The following HDGFL3 variants were observed in gnomAD, a reference collection of about 807,000 sequenced individuals.
The protein encoded by HDGFL3 is hepatoma-derived growth factor-related protein 3.
A neutral mutation model predicts 27.6 loss-of-function variants in HDGFL3; 6 were observed. The ratio of observed to expected loss-of-function variants is 0.22; its 90% CI spans 0.12 to 0.43. HDGFL3 has a LOEUF of 0.43. Ranked by LOEUF, HDGFL3 falls within the 20% of genes least tolerant of loss-of-function variation. The pLI is 1.00. For synonymous variants in HDGFL3, 88 were observed against 88.9 expected, an observed-to-expected ratio of 0.99 and a Z score of 0.05; for missense variants, 207 against 250.1, an observed-to-expected ratio of 0.83 and a Z score of 1.16.
At chr15:83,199,106 A>G (rs2037606482) in intron 1 of HDGFL3, among the ~76,000 whole-genome samples, 1 of 152,204 alleles carries the variant, frequency 6.6e-6, no homozygotes, top group African/African-American at 2.4e-5. Context: ...TGACTTCATC[A>G]TCATGTAGTA....
downstream of HDGFL3, chr15:83,127,584 A>G (rs1215590217): frequency 1.6e-6 from 2 of 1,242,608 alleles, no homozygotes; most frequent in East Asian, 2.4e-5. Context: ...GATAGCTATT[A>G]GACATGTCAC....
Position 83,138,960 on chromosome 15 carries a change from T to C in HDGFL3, c.*310A>G, listed in dbSNP as rs2036712241. 2.3e-5 allele frequency: 5 copies of C among 219,012 alleles called. No homozygotes were observed. The highest frequency in any genetic ancestry group is 5.8e-5 in the Admixed American group (1 of 17,200). The allele number at this position is 219,012 out of a possible 1,614,324, so 13.6% of individuals were successfully genotyped here. On this transcript the variant is annotated 3_prime_UTR_variant, in exon 6 of 6. Transcript: ENST00000299633. ...GGTCAAGGCAGGAAAACGATGATCA[T>C]AACTGCCTTGATAAAAGGATCCTAG... is the stretch of plus-strand genomic sequence containing the variant.
chr15:83,139,228 C>A lies in HDGFL3; in HGVS notation c.*42G>T. On this transcript the variant is annotated 3_prime_UTR_variant, in exon 6 of 6. Coordinates refer to ENST00000299633, the MANE Select transcript of HDGFL3 (RefSeq NM_016073.4). Reference sequence around the variant, plus strand: ...AATATTAGACAACCAAACATATAACCTTCTTGTGGTTTCTCTTAATATGCA... The same window carrying A: ...AATATTAGACAACCAAACATATAACATTCTTGTGGTTTCTCTTAATATGCA... The A allele has an allele frequency of 1.5e-6, 2 of 1,369,412 alleles. No individual in the cohort carries two copies. Among genetic ancestry groups the A allele is most frequent in the South Asian group, 1.6e-5 (1 of 61,182 alleles). 84.8% of individuals were successfully genotyped at this position (1,369,412 alleles called of 1,614,324 possible).
intron 1 of HDGFL3, among the ~76,000 whole-genome samples, chr15:83,199,199 G>T (rs1423656348): frequency 6.6e-6 from 1 of 152,130 alleles, no homozygotes; most frequent in African/African-American, 2.4e-5. Flanking sequence ...GGTCTAGAGG[G>T]AATTTTCAAT....
rs750279230 is a variant in HDGFL3 at position 83,122,018 on chromosome 15, C to T, written c.394-6277G>A. 1.3e-5 allele frequency: 20 copies of T among 1,586,494 alleles called. No individual in the cohort carries two copies. In the South Asian group the frequency reaches 2.3e-4, roughly 18 times the overall value. On this transcript the variant is annotated intron_variant, in intron 3 of 3. Coordinates refer to the HDGFL3 transcript ENST00000568294. ...AAACATTGTAGGTAAGAAACTTTAT[C>T]TTAAAGTTCACTTTCCTTTTCTAAA...
chr15:83,165,729 A>G (rs2037162268), intron 1 of HDGFL3, among the ~76,000 whole-genome samples: 1 of 142,866 alleles, frequency 7.0e-6, no homozygotes, highest in East Asian at 2.2e-4. Context: ...TGGGAGGCGG[A>G]GCTTACAGTG....
chr15:83,183,258 T>C (rs1455044788), intron 1 of HDGFL3, among the ~76,000 whole-genome samples: 1 of 151,872 alleles, frequency 6.6e-6, no homozygotes, highest in African/African-American at 2.4e-5. Context: ...CAAACCCCCA[T>C]GACATAAAAA....
intron 1 of HDGFL3, among the ~76,000 whole-genome samples, chr15:83,194,302 C>G (rs193067768): frequency 1.3e-5 from 2 of 152,100 alleles, no homozygotes; most frequent in East Asian, 3.9e-4. Context: ...AAGCCAGTCA[C>G]AAAAAAACAC....
In HDGFL3 at chr15:83,207,647, T is replaced by G. The variant is rs2037741812; in HGVS notation, c.-233A>C. The G allele has an allele frequency of 5.4e-6, 1 of 184,976 alleles. No homozygotes were observed. The highest frequency in any genetic ancestry group is 1.7e-4 in the South Asian group (1 of 5,956). The allele number at this position is 184,976 out of a possible 1,614,324, so 11.5% of individuals were successfully genotyped here. ...AGCGGGGGAGGGGAGCCCCCGGCCG[T>G]TCGGCGCTCGCCCGCGTCCGGCCGC... On this transcript the variant is annotated 5_prime_UTR_variant, in exon 1 of 6. Transcript: ENST00000299633. This position sits in a 1 kb window ranked among gnomAD's most constrained non-coding sequence, Gnocchi z 4.8.
chr15:83,144,953 C>T (rs1024615439), intron 5 of HDGFL3: 2 of 161,984 alleles, frequency 1.2e-5, no homozygotes, highest in Admixed American at 5.7e-5. Context: ...CTTTCACCTT[C>T]TATCCATATG....
At chr15:83,170,604 A>C (rs2037233696) in intron 1 of HDGFL3, among the ~76,000 whole-genome samples, 1 of 152,226 alleles carries the variant, frequency 6.6e-6, no homozygotes, top group African/African-American at 2.4e-5. Flanking sequence ...TAAGACCTCA[A>C]ACTATAAGAA....
chr15:83,122,907 G>A (rs763449936), downstream of HDGFL3: 1 of 1,611,312 alleles, frequency 6.2e-7, no homozygotes, highest in Non-Finnish European at 8.5e-7. Flanking sequence ...GATGTACCCT[G>A]TTCTCAAACT....
intron 3 of HDGFL3, chr15:83,119,994 T>G (rs2035066569): frequency 1.2e-5 from 3 of 257,204 alleles, no homozygotes; most frequent in Admixed American, 9.8e-5. Context: ...TTTCAAAACT[T>G]CAAAATTTCC....
intron 1 of HDGFL3, among the ~76,000 whole-genome samples, chr15:83,175,407 T>C (rs1376347257): frequency 6.6e-6 from 1 of 152,240 alleles, no homozygotes; most frequent in Non-Finnish European, 1.5e-5. Context: ...ATCTACACTT[T>C]CCTAAGCCAT....
chr15:83,174,864 T>C (rs2037290034), intron 1 of HDGFL3, among the ~76,000 whole-genome samples: 1 of 152,238 alleles, frequency 6.6e-6, no homozygotes, highest in Non-Finnish European at 1.5e-5. Flanking sequence ...TAATATCTAC[T>C]GCAGAGGTTG....
At chr15:83,118,274 G>A (rs971755737) in intron 3 of HDGFL3, among the ~76,000 whole-genome samples, 7 of 151,932 alleles carry the variant, frequency 4.6e-5, no homozygotes, top group African/African-American at 1.2e-4. Flanking sequence ...CATACAGAGA[G>A]AGCAAGAGAG....
Position 83,138,853 on chromosome 15 carries a change from G to A in HDGFL3, c.*417C>T, listed in dbSNP as rs2036709528. On this transcript the variant is annotated 3_prime_UTR_variant, in exon 6 of 6. Coordinates refer to ENST00000299633, the MANE Select transcript of HDGFL3 (RefSeq NM_016073.4). The stretch of plus-strand genomic sequence containing the variant: ...AATTCCTGGGTTCTGTCACAGAGAG[G>A]AAATTCCATTCTTAAGCATTATGTT... 1 of 154,162 alleles carries A rather than the reference G, an allele frequency of 6.5e-6. No homozygotes were observed. Among genetic ancestry groups the A allele is most frequent in the African/African-American group, 2.4e-5 (1 of 41,532 alleles). The allele number at this position is 154,162 out of a possible 1,614,324, so 9.5% of individuals were successfully genotyped here. A position where few individuals can be genotyped will look rare whatever the true frequency, so the allele number is the denominator to read the frequency against.
In HDGFL3 at chr15:83,131,656, G is replaced by T. The variant is rs2036259901; in HGVS notation, c.*7614C>A. On this transcript the variant is annotated 3_prime_UTR_variant, in exon 6 of 6. Coordinates refer to ENST00000299633, the MANE Select transcript of HDGFL3 (RefSeq NM_016073.4). ...AAAAAAAAGAAAGAAAAAAGAGTGA[G>T]TAGTTATTGGGGCCTTGATTTCAGA... 1 of 152,210 alleles carries T rather than the reference G, an allele frequency of 6.6e-6. No individual in the cohort carries two copies. Among genetic ancestry groups the T allele is most frequent in the South Asian group, 2.1e-4 (1 of 4,828 alleles). The allele number at this position is 152,210 out of a possible 1,614,324, so 9.4% of individuals were successfully genotyped here.
At chr15:83,149,578 G>A (rs984161006) in intron 5 of HDGFL3, among the ~76,000 whole-genome samples, 3 of 152,158 alleles carry the variant, frequency 2.0e-5, no homozygotes, top group East Asian at 1.9e-4. Flanking sequence ...AGGTGAAAAC[G>A]AAGACTAAAT....
Sources: allele counts gnomAD v4.1 joint callset (sites outside exome capture counted in the v4.1 genomes callset), GRCh38; gene constraint gnomAD v4.1.1; non-coding constraint Gnocchi (gnomAD v3.1); transcripts MANE v1.5; gene names NCBI Gene and HGNC (gene_info 2026-07-23, HGNC 2026-07-21).